Variants in SNTG1 observed in about 807,000 individuals in gnomAD.
The protein encoded by SNTG1 is syntrophin gamma 1.
Under a neutral mutation model 74.7 loss-of-function variants are expected in SNTG1, and 39 were observed. The observed-to-expected ratio is 0.52, with a 90% CI of 0.40 to 0.68. The LOEUF (loss-of-function observed/expected upper bound fraction) is 0.68, where lower values mean the gene tolerates loss of function less well. SNTG1 is among the 30% of genes least tolerant of loss of function. The pLI is 0.00. For missense variants in SNTG1, 685 were observed against 609.5 expected (o/e 1.12, Z -1.30); for synonymous variants, 254 against 217.1 (o/e 1.17, Z -1.49).
chr8:50,709,235 A>G (rs2095454599), intron 17 of SNTG1: 1 of 413,886 alleles, frequency 2.4e-6, no homozygotes, highest in East Asian at 3.4e-5. Flanking sequence ...GTATCTATCT[A>G]TCAATCATTT....
intron 9 of SNTG1, 38 bp from the exon 10 acceptor site, chr8:50,530,139 T>A (rs750574053): frequency 1.3e-6 from 2 of 1,567,080 alleles, no homozygotes; most frequent in South Asian, 2.2e-5. Context: ...GGTTATGGCA[T>A]TCTCACCAGT....
chr8:50,249,422 T>C (rs1370177791), intron 2 of SNTG1, among the ~76,000 whole-genome samples: 1 of 152,218 alleles, frequency 6.6e-6, no homozygotes, highest in East Asian at 1.9e-4. Context: ...GCAGAGAGGT[T>C]TGGGGGCAGC....
intron 17 of SNTG1, among the ~76,000 whole-genome samples, chr8:50,732,361 G>A (rs1325121746): frequency 1.4e-5 from 2 of 147,650 alleles, no homozygotes; most frequent in Admixed American, 6.8e-5. Context: ...AAACAGTGAG[G>A]TACTTTGGCA....
chr8:50,549,730 A>G (rs1473612253), intron 11 of SNTG1, among the ~76,000 whole-genome samples: 1 of 152,118 alleles, frequency 6.6e-6, no homozygotes, highest in East Asian at 1.9e-4. Flanking sequence ...CTTTGGATAT[A>G]CTATGTTTTT....
intron 15 of SNTG1, among the ~76,000 whole-genome samples, chr8:50,680,751 C>G (rs1357354071): frequency 6.6e-6 from 1 of 152,020 alleles, no homozygotes; most frequent in Admixed American, 6.6e-5. Context: ...GACGTGGAAG[C>G]ATTGGGCTGC....
intron 2 of SNTG1, among the ~76,000 whole-genome samples, chr8:50,207,310 C>T (rs899648969): frequency 1.3e-5 from 2 of 152,064 alleles, no homozygotes; most frequent in African/African-American, 4.8e-5. Context: ...TGTATATGTC[C>T]AGGAATTTAT....
intron 8 of SNTG1, among the ~76,000 whole-genome samples, chr8:50,478,976 C>A (rs2093718140): frequency 6.6e-6 from 1 of 152,096 alleles, no homozygotes. Context: ...TACAAACTTC[C>A]AAGCTCCTCT....
intron 15 of SNTG1, among the ~76,000 whole-genome samples, chr8:50,664,277 G>T (rs140693591): frequency 1.3e-5 from 2 of 152,148 alleles, no homozygotes; most frequent in Non-Finnish European, 2.9e-5. Flanking sequence ...GTGTTGAGCT[G>T]TTAGGGAAAC....
intron 2 of SNTG1, among the ~76,000 whole-genome samples, chr8:50,237,219 C>T (rs1413140082): frequency 6.6e-6 from 1 of 151,902 alleles, no homozygotes; most frequent in East Asian, 1.9e-4. Context: ...GATTTGTTTG[C>T]AATTGCTTTT....
chr8:50,219,171 G>C (rs752338483), intron 2 of SNTG1, among the ~76,000 whole-genome samples: 2 of 152,160 alleles, frequency 1.3e-5, no homozygotes, highest in African/African-American at 2.4e-5. Context: ...CCAATGACAG[G>C]CTGGTTACAA....
chr8:49,939,675 A>C (rs1204070187), intron 1 of SNTG1, among the ~76,000 whole-genome samples: 5 of 152,184 alleles, frequency 3.3e-5, no homozygotes, highest in African/African-American at 1.2e-4. Flanking sequence ...CAAGGCATAA[A>C]ATGACCTTTT....
At chr8:49,936,604 C>A (rs1247035785) in intron 1 of SNTG1, among the ~76,000 whole-genome samples, 1 of 152,120 alleles carries the variant, frequency 6.6e-6, no homozygotes. Context: ...CTGTTTTCTG[C>A]AATTTGAAAA....
At chr8:50,219,490 G>C (rs1243247720) in intron 2 of SNTG1, among the ~76,000 whole-genome samples, 2 of 152,154 alleles carry the variant, frequency 1.3e-5, no homozygotes, top group Non-Finnish European at 2.9e-5. Context: ...ATAATGAAAA[G>C]AGGTTTAATT....
At chr8:50,543,646 A>G (rs1158021409) in intron 11 of SNTG1, among the ~76,000 whole-genome samples, 2 of 152,188 alleles carry the variant, frequency 1.3e-5, no homozygotes, top group African/African-American at 2.4e-5. Flanking sequence ...GTAAAGATGT[A>G]TGAATATTTG....
intron 8 of SNTG1, among the ~76,000 whole-genome samples, chr8:50,458,879 A>T (rs1040003033): frequency 5.9e-5 from 9 of 152,146 alleles, no homozygotes; most frequent in Non-Finnish European, 1.3e-4. Flanking sequence ...CTCTTCAATT[A>T]CTTAATGGTA....
At chr8:49,941,062 A>G (rs568424555) in intron 1 of SNTG1, among the ~76,000 whole-genome samples, 62 of 152,252 alleles carry the variant, frequency 4.1e-4, no homozygotes, top group African/African-American at 1.3e-3. Flanking sequence ...CCTTTGTGGG[A>G]TGCATCTGAG....
intron 8 of SNTG1, among the ~76,000 whole-genome samples, chr8:50,454,662 T>C (rs571020986): frequency 6.6e-6 from 1 of 151,144 alleles, no homozygotes; most frequent in Non-Finnish European, 1.5e-5. Flanking sequence ...GCCAACATGG[T>C]GAAACCCTAT....
intron 1 of SNTG1, among the ~76,000 whole-genome samples, chr8:50,112,515 CTTTTTT>C (rs34942560): frequency 4.9e-4 from 38 of 77,598 alleles, no homozygotes; most frequent in African/African-American, 1.5e-3. Flanking sequence ...TTAGTTCTTT[CTTTTTT>C]TTTTTTTTTT....
intron 13 of SNTG1, among the ~76,000 whole-genome samples, chr8:50,653,306 G>A (rs867136554): frequency 6.6e-6 from 1 of 152,022 alleles, no homozygotes; most frequent in Non-Finnish European, 1.5e-5. Flanking sequence ...GTGGTGGTGT[G>A]TGTGCCTGTA....
Sources: gnomAD v4.1 joint callset for allele counts (sites outside exome capture counted in the v4.1 genomes callset) on GRCh38, gnomAD v4.1.1 for gene constraint, MANE v1.5 for transcripts, NCBI Gene and HGNC (gene_info 2026-07-23, HGNC 2026-07-21) for gene names.